Variants in ASTN2 observed in about 807,000 individuals in gnomAD.
ASTN2 encodes astrotactin 2.
ASTN2 carries 54 observed loss-of-function variants against 139.8 expected under a neutral mutation model. The observed-to-expected ratio is 0.39, with a 90% CI of 0.31 to 0.48. The LOEUF (loss-of-function observed/expected upper bound fraction) is 0.48. ASTN2 is among the 20% of genes least tolerant of loss of function. The pLI, the probability that ASTN2 is intolerant of heterozygous loss-of-function variation, is 0.95. For synonymous variants in ASTN2, 756 were observed against 719.5 expected (o/e 1.05, Z -0.81); for missense variants, 1,565 against 1,725.1 (o/e 0.91, Z 1.64).
At chr9:117,367,940 A>G (rs943930011) in intron 1 of ASTN2, among the ~76,000 whole-genome samples, 1 of 151,560 alleles carries the variant, frequency 6.6e-6, no homozygotes, top group Non-Finnish European at 1.5e-5. Flanking sequence ...ACAATATTTC[A>G]CTCCATGGTA....
At chr9:116,957,882 T>C (rs1010806609) in intron 10 of ASTN2, among the ~76,000 whole-genome samples, 2 of 152,182 alleles carry the variant, frequency 1.3e-5, no homozygotes, top group Admixed American at 6.5e-5. Flanking sequence ...GGTTTCACCA[T>C]GTTGGCCAGG....
intron 6 of ASTN2, among the ~76,000 whole-genome samples, chr9:117,035,075 T>C (rs1588498856): frequency 6.6e-6 from 1 of 152,110 alleles, no homozygotes; most frequent in Non-Finnish European, 1.5e-5. Flanking sequence ...GCTCAATGTG[T>C]AATGGTAGCT....
intron 19 of ASTN2, among the ~76,000 whole-genome samples, chr9:116,595,202 G>T (rs1854515828): frequency 6.6e-6 from 1 of 152,172 alleles, no homozygotes; most frequent in African/African-American, 2.4e-5. Flanking sequence ...TGGCATCTAG[G>T]TGTTCAATAA....
intron 3 of ASTN2, among the ~76,000 whole-genome samples, chr9:117,188,510 C>G (rs1021153251): frequency 6.6e-6 from 1 of 152,066 alleles, no homozygotes; most frequent in African/African-American, 2.4e-5. Flanking sequence ...GGAATAGCAG[C>G]TAAGGGAGCA....
chr9:116,533,590 A>G (rs1851467011), intron 19 of ASTN2, among the ~76,000 whole-genome samples: 1 of 152,172 alleles, frequency 6.6e-6, no homozygotes, highest in Non-Finnish European at 1.5e-5. Flanking sequence ...AATTTTGTCA[A>G]ATGGCTTTTC....
At chr9:117,232,492 G>T (rs569826135) in intron 2 of ASTN2, among the ~76,000 whole-genome samples, 1 of 152,340 alleles carries the variant, frequency 6.6e-6, no homozygotes, top group African/African-American at 2.4e-5. Context: ...TGTGATAACA[G>T]ATTCCCATGT....
chr9:117,176,035 A>G (rs545960029), intron 3 of ASTN2, among the ~76,000 whole-genome samples: 1 of 152,100 alleles, frequency 6.6e-6, no homozygotes, highest in South Asian at 2.1e-4. Context: ...TCAGGTAAAA[A>G]AAAAACCATC....
At chr9:117,026,590 C>A (rs1325598280) in intron 6 of ASTN2, among the ~76,000 whole-genome samples, 2 of 151,846 alleles carry the variant, frequency 1.3e-5, no homozygotes, top group Non-Finnish European at 1.5e-5. Context: ...ACTCTTTTTT[C>A]TTTATTTTCA....
chr9:116,989,586 G>GT (rs56128640), intron 7 of ASTN2, among the ~76,000 whole-genome samples: 96,559 of 137,342 alleles, frequency 0.7, 34,267 homozygotes, highest in Admixed American at 0.79. Context: ...TTATATTTGG[G>GT]TTTTTTTTTT....
At chr9:116,910,618 G>C (rs1192916803) in intron 10 of ASTN2, among the ~76,000 whole-genome samples, 1 of 152,110 alleles carries the variant, frequency 6.6e-6, no homozygotes, top group Non-Finnish European at 1.5e-5. Flanking sequence ...TGAGGCTTCT[G>C]GTAAATCCAC....
intron 4 of ASTN2, among the ~76,000 whole-genome samples, chr9:117,110,429 T>C (rs138516870): frequency 3.9e-5 from 6 of 152,200 alleles, no homozygotes; most frequent in Admixed American, 6.5e-5. Flanking sequence ...GAATGGTTAA[T>C]GATGTTAGAA....
chr9:117,338,639 T>G lies in ASTN2; in HGVS notation c.443-47126A>C, dbSNP rs139616675. Among the ~76,000 whole-genome samples, 593 of 152,190 alleles carry G rather than the reference T, an allele frequency of 3.9e-3. 7 individuals are homozygous for G. Among genetic ancestry groups the G allele is most frequent in the African/African-American group, 0.014 (562 of 41,528 alleles). ...ATAGGGGAAGGTGCTTCTTCCCCCC[T>G]CCACCCTACTGGCACTAATCTACCA... is the stretch of plus-strand genomic sequence containing the variant. On this transcript the variant is annotated intron_variant, in intron 1 of 22. Coordinates refer to ENST00000313400, the MANE Select transcript of ASTN2 (RefSeq NM_001365068.1).
At chr9:116,868,469 C>T (rs530396401) in intron 10 of ASTN2, among the ~76,000 whole-genome samples, 31 of 152,146 alleles carry the variant, frequency 2.0e-4, no homozygotes, top group Non-Finnish European at 3.7e-4. Flanking sequence ...TGTTCAATCT[C>T]TCTGTCTTAG....
chr9:117,399,179 G>A (rs1359595860), intron 1 of ASTN2, among the ~76,000 whole-genome samples: 2 of 152,150 alleles, frequency 1.3e-5, no homozygotes, highest in Non-Finnish European at 2.9e-5. Flanking sequence ...AACTTAGAAA[G>A]CTTACATACT....
At chr9:117,346,474 C>T (rs551738239) in intron 1 of ASTN2, among the ~76,000 whole-genome samples, 25 of 152,280 alleles carry the variant, frequency 1.6e-4, no homozygotes, top group African/African-American at 5.5e-4. Flanking sequence ...ACTAACCAAA[C>T]TCCTAACACA....
rs140153680 is a variant in ASTN2 at position 116,764,972 on chromosome 9, A to T, written c.2397-31449T>A. On this transcript the variant is annotated intron_variant, in intron 13 of 22. Coordinates refer to ENST00000313400, the MANE Select transcript of ASTN2 (RefSeq NM_001365068.1). ...ATGTGCCTGCATACTCAACCCCACC[A>T]CTTCTGCTTTTGTCTCCATTTTCCT... is the stretch of plus-strand genomic sequence containing the variant. Among the ~76,000 whole-genome samples, 101 of 152,214 alleles carry T rather than the reference A, an allele frequency of 6.6e-4. 1 individual carries two copies. The highest frequency in any genetic ancestry group is 2.9e-3 in the East Asian group (15 of 5,178).
intron 10 of ASTN2, among the ~76,000 whole-genome samples, chr9:116,926,840 T>G (rs1357923112): frequency 6.6e-6 from 1 of 152,168 alleles, no homozygotes; most frequent in Non-Finnish European, 1.5e-5. Flanking sequence ...CTTAATCACT[T>G]TATCAGAAAA....
rs568301212 is a variant in ASTN2, at chr9:116,855,369, C to T, written c.2040+8214G>A. ...CCTTTTCATTTCCCAAACTTTGAGT[C>T]CTGTGTGCAGGCATTGAATCAGTGG... On this transcript the variant is annotated intron_variant, in intron 11 of 22. Coordinates refer to ENST00000313400, the MANE Select transcript of ASTN2 (RefSeq NM_001365068.1). 6.6e-5 allele frequency among the ~76,000 whole-genome samples: 8 copies of T among 120,388 alleles called. No individual in the cohort carries two copies. The East Asian group carries it at 2.1e-3, about 32-fold the overall frequency. The allele number at this position is 120,388 out of a possible 152,430, so 79.0% of individuals were successfully genotyped here.
intron 10 of ASTN2, among the ~76,000 whole-genome samples, chr9:116,958,248 T>A (rs1012440255): frequency 6.6e-6 from 1 of 152,194 alleles, no homozygotes; most frequent in Non-Finnish European, 1.5e-5. Context: ...TAAGAGCTCA[T>A]TGGGTTGTAC....
Sources: gnomAD v4.1 joint callset for allele counts (sites outside exome capture counted in the v4.1 genomes callset) on GRCh38, gnomAD v4.1.1 for gene constraint, MANE v1.5 for transcripts, NCBI Gene and HGNC (gene_info 2026-07-23, HGNC 2026-07-21) for gene names.